SMURF2: variants seen among roughly 807,000 people sequenced by gnomAD.
SMURF2 encodes the protein E3 ubiquitin-protein ligase SMURF2.
A neutral mutation model predicts 109.6 loss-of-function variants in SMURF2; 48 were observed. The observed-to-expected ratio is 0.44, with a 90% CI of 0.35 to 0.56. The LOEUF (loss-of-function observed/expected upper bound fraction) is 0.56, where lower values mean the gene tolerates loss of function less well. Ranked by LOEUF, SMURF2 falls within the 20% of genes least tolerant of loss-of-function variation. The probability of loss-of-function intolerance (pLI) is 0.01; values close to 1 mark genes in which losing one functional copy is unlikely to be tolerated. For missense variants in SMURF2, 575 were observed against 909.0 expected (o/e 0.63, Z 4.72); for synonymous variants, 288 against 317.1 (o/e 0.91, Z 0.97).
intron 10 of SMURF2, among the ~76,000 whole-genome samples, chr17:64,567,162 GC>G (rs1555685099): frequency 6.6e-6 from 1 of 152,082 alleles, no homozygotes; most frequent in East Asian, 1.9e-4. Context: ...CCAGCCTTAA[GC>G]TTTTTCATAG....
intron 1 of SMURF2, among the ~76,000 whole-genome samples, chr17:64,609,301 C>T (rs1357738614): frequency 6.6e-6 from 1 of 152,108 alleles, no homozygotes; most frequent in Non-Finnish European, 1.5e-5. Flanking sequence ...CAAAAAAGAG[C>T]CCACATAGCC....
intron 1 of SMURF2, among the ~76,000 whole-genome samples, chr17:64,615,835 A>G (rs1555690044): frequency 6.6e-6 from 1 of 152,020 alleles, no homozygotes; most frequent in East Asian, 1.9e-4. Context: ...ATAAGAAAAT[A>G]ATTTCCTTTT....
chr17:64,592,441 C>A (rs782504097), intron 4 of SMURF2, among the ~76,000 whole-genome samples: 3 of 152,212 alleles, frequency 2.0e-5, no homozygotes, highest in Non-Finnish European at 4.4e-5. Context: ...GGACTAAGAA[C>A]TTCTAGCTCA....
intron 10 of SMURF2, among the ~76,000 whole-genome samples, chr17:64,567,112 C>G (rs1023032860): frequency 1.2e-4 from 18 of 152,172 alleles, no homozygotes; most frequent in Admixed American, 5.9e-4. Flanking sequence ...CCCGCCTCGG[C>G]CTCCCAAAGT....
intron 5 of SMURF2, among the ~76,000 whole-genome samples, chr17:64,590,747 T>C (rs1484503033): frequency 6.6e-6 from 1 of 152,206 alleles, no homozygotes; most frequent in Non-Finnish European, 1.5e-5. Flanking sequence ...AATAGAATGT[T>C]CTCTTCTTAC....
At chr17:64,651,640 G>T (rs1379767423) in intron 1 of SMURF2, among the ~76,000 whole-genome samples, 1 of 151,212 alleles carries the variant, frequency 6.6e-6, no homozygotes, top group Non-Finnish European at 1.5e-5. Flanking sequence ...GCAAAAACAG[G>T]CCAGGCGCAG....
At chr17:64,661,114 G>A (rs779729586) in intron 1 of SMURF2, among the ~76,000 whole-genome samples, 1 of 152,070 alleles carries the variant, frequency 6.6e-6, no homozygotes, top group Non-Finnish European at 1.5e-5. Context: ...CAGGTCTGGC[G>A]TTAGAAGTTA....
At chr17:64,587,304 T>A (rs542494518) in intron 5 of SMURF2, among the ~76,000 whole-genome samples, 1 of 152,340 alleles carries the variant, frequency 6.6e-6, no homozygotes, top group Admixed American at 6.5e-5. Context: ...TCCAGTGTAG[T>A]ATAAAACCAC....
chr17:64,603,578 C>A (rs77342254), intron 2 of SMURF2, among the ~76,000 whole-genome samples: 1 of 120,676 alleles, frequency 8.3e-6, no homozygotes, highest in African/African-American at 3.0e-5. Flanking sequence ...AAGACTCCGT[C>A]GGGGGAAAAA....
chr17:64,652,676 G>C (rs1241583328), intron 1 of SMURF2, among the ~76,000 whole-genome samples: 1 of 152,128 alleles, frequency 6.6e-6, no homozygotes, highest in Non-Finnish European at 1.5e-5. Flanking sequence ...AGTAGAGACG[G>C]GGTTTTGCCA....
intron 1 of SMURF2, among the ~76,000 whole-genome samples, chr17:64,617,871 A>C (rs1400036081): frequency 6.6e-6 from 1 of 152,198 alleles, no homozygotes. Flanking sequence ...GATTTTGGTA[A>C]AGTTCTCACA....
chr17:64,638,734 T>A (rs565355249), intron 1 of SMURF2, among the ~76,000 whole-genome samples: 1 of 152,346 alleles, frequency 6.6e-6, no homozygotes, highest in African/African-American at 2.4e-5. Flanking sequence ...GACACATTCA[T>A]ATTGCTAGAC....
Position 64,580,851 on chromosome 17 carries a change from C to G in SMURF2, c.710G>C (p.Arg237Pro). ...TGTTCTGCTCATGTAATTTCTATGTCGTTGTGACCTGACTCTCCTCTCTGC... is the reference window on the plus strand; with the variant it reads ...TGTTCTGCTCATGTAATTTCTATGTGGTTGTGACCTGACTCTCCTCTCTGC... ...RLAERRVRSQ[R>P]HRNYMSRTHL... Residue 237 changes from arginine (R) to proline (P), a missense_variant, in exon 8 of 19, where the codon CGA becomes CCA. Transcript: ENST00000262435. 6.2e-7 allele frequency: 1 copy of G among 1,614,088 alleles called. No individual in the cohort carries two copies. Among genetic ancestry groups the G allele is most frequent in the Non-Finnish European group, 8.5e-7 (1 of 1,179,994 alleles).
intron 7 of SMURF2, among the ~76,000 whole-genome samples, chr17:64,582,025 C>T (rs6504242): frequency 0.23 from 34,773 of 151,754 alleles, 7,664 homozygotes; most frequent in African/African-American, 0.58. Flanking sequence ...GAAATTCAAG[C>T]TAATTTTACT....
chr17:64,599,253 T>C (rs1969860149), intron 2 of SMURF2, among the ~76,000 whole-genome samples: 1 of 152,132 alleles, frequency 6.6e-6, no homozygotes. Flanking sequence ...TAGCCCAAGG[T>C]CACAGAGTAG....
chr17:64,556,678 C>T (rs1480788739), intron 13 of SMURF2, among the ~76,000 whole-genome samples: 1 of 152,126 alleles, frequency 6.6e-6, no homozygotes, highest in African/African-American at 2.4e-5. Flanking sequence ...CAAAAAGAAC[C>T]TTCACCTCAA....
intron 16 of SMURF2, among the ~76,000 whole-genome samples, chr17:64,549,262 C>CAA (rs577973821): frequency 0.033 from 1,342 of 40,844 alleles, 62 homozygotes; most frequent in African/African-American, 0.087. Context: ...ACTGTGTCTC[C>CAA]AAAAAAAAAA....
intron 10 of SMURF2, among the ~76,000 whole-genome samples, chr17:64,565,853 C>T (rs1166429775): frequency 1.3e-5 from 2 of 151,538 alleles, no homozygotes; most frequent in Non-Finnish European, 2.9e-5. Flanking sequence ...ACATGCTTTT[C>T]AAGCAAAGGA....
intron 1 of SMURF2, among the ~76,000 whole-genome samples, chr17:64,631,772 T>C (rs540115374): frequency 1.1e-4 from 16 of 152,012 alleles, no homozygotes; most frequent in African/African-American, 3.6e-4. Context: ...TACACAATAA[T>C]TAATATGCAT....
Sources: allele counts gnomAD v4.1 joint callset (sites outside exome capture counted in the v4.1 genomes callset), GRCh38; gene constraint gnomAD v4.1.1; transcripts MANE v1.5; gene names NCBI Gene and HGNC (gene_info 2026-07-23, HGNC 2026-07-21).